The following PGBD2 variants were observed in gnomAD, a reference collection of about 807,000 sequenced individuals.
PGBD2 encodes the protein piggyBac transposable element-derived protein 2.
In PGBD2, 6 loss-of-function variants were observed where a neutral mutation model predicts 8.1. The observed-to-expected ratio is 0.74, with a 90% CI of 0.40 to 1.46. The LOEUF (loss-of-function observed/expected upper bound fraction) is 1.46, where lower values mean the gene tolerates loss of function less well. PGBD2 is among the 40% of genes most tolerant of loss of function. The pLI, the probability that PGBD2 is intolerant of heterozygous loss-of-function variation, is 0.02. For synonymous variants in PGBD2, 318 were observed against 272.2 expected (o/e 1.17, Z -1.66); for missense variants, 802 against 739.0 (o/e 1.09, Z -0.99).
At chr1:248,880,957 A>G in the PGBD2 span, among the ~76,000 whole-genome samples, 6 of 152,084 alleles carry the variant, frequency 3.9e-5, no homozygotes, top group African/African-American at 1.4e-4. Flanking sequence ...TTATCTCTGT[A>G]TAATATTATT....
At chr1:248,874,903 GAGATAGATAGATAGATAGATAGAT>G in the PGBD2 span, among the ~76,000 whole-genome samples, 27 of 145,422 alleles carry the variant, frequency 1.9e-4, no homozygotes, top group African/African-American at 2.9e-4. Flanking sequence ...TAGGTAGATA[GAGATAGATAGATAGATAGATAGAT>G]AGATAGATAG....
chr1:248,910,574 C>A (rs1038597671), intron 1 of PGBD2, among the ~76,000 whole-genome samples: 2 of 152,200 alleles, frequency 1.3e-5, no homozygotes, highest in African/African-American at 4.8e-5. Flanking sequence ...TTTTCCTGGG[C>A]TACAGACTTG....
chr1:248,924,626 T>A (rs1662348565), downstream of PGBD2, among the ~76,000 whole-genome samples: 1 of 152,264 alleles, frequency 6.6e-6, no homozygotes, highest in Non-Finnish European at 1.5e-5. Context: ...TGTGTCCAGA[T>A]GCATAGGGAG....
the PGBD2 span, among the ~76,000 whole-genome samples, chr1:248,880,184 A>G: frequency 1.3e-5 from 2 of 152,158 alleles, no homozygotes; most frequent in African/African-American, 2.4e-5. Context: ...TGTCTTGTGA[A>G]TCTGCTCCAT....
the PGBD2 span, among the ~76,000 whole-genome samples, chr1:248,873,472 G>A: frequency 6.6e-6 from 1 of 152,226 alleles, no homozygotes; most frequent in Non-Finnish European, 1.5e-5. Flanking sequence ...GCATCCATTC[G>A]TCACTTAGTG....
chr1:248,881,790 C>T, the PGBD2 span, among the ~76,000 whole-genome samples: 1 of 152,084 alleles, frequency 6.6e-6, no homozygotes, highest in South Asian at 2.1e-4. Flanking sequence ...TCTTTAAGTC[C>T]TTCCTTTAAT....
intron 1 of PGBD2, among the ~76,000 whole-genome samples, chr1:248,908,407 T>A (rs1450660711): frequency 6.6e-6 from 1 of 152,174 alleles, no homozygotes; most frequent in East Asian, 1.9e-4. Flanking sequence ...GAATGGCACC[T>A]CTGTGCACCA....
chr1:248,916,124 A>T (rs1222125801), intron 2 of PGBD2, among the ~76,000 whole-genome samples: 2 of 152,204 alleles, frequency 1.3e-5, no homozygotes, highest in Non-Finnish European at 2.9e-5. Context: ...TTAAAAGCAG[A>T]ATCTGTGGGC....
At position 248,914,697 on chromosome 1, in the gene PGBD2, A is replaced by G. The variant is rs934924178; in HGVS notation, c.17+818A>G. The G allele has an allele frequency of 4.2e-6, 4 of 943,290 alleles. No homozygotes were observed. The African/African-American group carries it at 5.2e-5, about 12-fold the overall frequency. 58.4% of individuals were successfully genotyped at this position (943,290 alleles called of 1,614,324 possible). A position where few individuals can be genotyped will look rare whatever the true frequency, so the allele number is the denominator to read the frequency against. On this transcript the variant is annotated intron_variant, in intron 2 of 2. Transcript: ENST00000329291. ...TGTGCCTACCCTCCATGCTGAGTCC[A>G]TTCTCATAGCCAGGGTGATGTGTTT...
At chr1:248,882,945 G>A in the PGBD2 span, among the ~76,000 whole-genome samples, 2 of 152,076 alleles carry the variant, frequency 1.3e-5, 1 homozygote, top group Non-Finnish European at 2.9e-5. Flanking sequence ...TCAGAATGTG[G>A]TGCATTATAT....
At chr1:248,915,893 T>C (rs961555358) in intron 2 of PGBD2, among the ~76,000 whole-genome samples, 3 of 152,154 alleles carry the variant, frequency 2.0e-5, no homozygotes, top group African/African-American at 7.2e-5. Flanking sequence ...ACAAATGTAA[T>C]TGCAGAGCTC....
upstream of PGBD2, among the ~76,000 whole-genome samples, chr1:248,905,747 A>G (rs1661611633): frequency 6.6e-6 from 1 of 152,202 alleles, no homozygotes; most frequent in Non-Finnish European, 1.5e-5. Flanking sequence ...TCCAGGCCCA[A>G]AATGTCAAGA....
chr1:248,917,786 A>C lies in PGBD2; in HGVS notation c.1202A>C (p.Lys401Thr). The part of the protein sequence containing the change: ...KKMKRGSFDY[K>T]VDESEEIIVC... Reference sequence around the variant, plus strand: ...ATGAAGAGGGGTTCATTTGATTACAAAGTCGATGAGAGTGAGGAGATCATC... The same window carrying C: ...ATGAAGAGGGGTTCATTTGATTACACAGTCGATGAGAGTGAGGAGATCATC... The change falls in exon 3 of 3, where the codon AAA becomes ACA. Residue 401 changes from lysine to threonine, a missense_variant. Coordinates refer to ENST00000329291, the MANE Select transcript of PGBD2 (RefSeq NM_170725.3). 1.2e-6 allele frequency: 2 copies of C among 1,614,216 alleles called. No individual in the cohort carries two copies. The highest frequency in any genetic ancestry group is 1.7e-6 in the Non-Finnish European group (2 of 1,180,048).
chr1:248,880,113 A>G, the PGBD2 span, among the ~76,000 whole-genome samples: 1 of 152,110 alleles, frequency 6.6e-6, no homozygotes, highest in East Asian at 1.9e-4. Flanking sequence ...ACCAGGACCC[A>G]TTTTCCTATA....
At chr1:248,884,048 T>C in the PGBD2 span, among the ~76,000 whole-genome samples, 1 of 152,188 alleles carries the variant, frequency 6.6e-6, no homozygotes, top group Non-Finnish European at 1.5e-5. Context: ...TCTTCTAGGA[T>C]TTTTATAGTT....
chr1:248,905,314 G>A (rs181902584), upstream of PGBD2, among the ~76,000 whole-genome samples: 9 of 152,120 alleles, frequency 5.9e-5, no homozygotes, highest in African/African-American at 2.2e-4. Context: ...ATGTTAACAC[G>A]GTTTGGTCCC....
chr1:248,909,671 G>A (rs563145663), intron 1 of PGBD2, among the ~76,000 whole-genome samples: 2 of 152,296 alleles, frequency 1.3e-5, no homozygotes, highest in African/African-American at 4.8e-5. Flanking sequence ...GGTGAAAGCT[G>A]TGGTAAGAGG....
At chr1:248,907,312 T>C (rs531793077) in intron 1 of PGBD2, among the ~76,000 whole-genome samples, 39 of 152,384 alleles carry the variant, frequency 2.6e-4, no homozygotes, top group African/African-American at 8.4e-4. Context: ...CAACATGTCT[T>C]GCCTCCTGCC....
At chr1:248,884,358 T>G in the PGBD2 span, among the ~76,000 whole-genome samples, 1 of 149,798 alleles carries the variant, frequency 6.7e-6, no homozygotes, top group African/African-American at 2.5e-5. Context: ...TTTTTTTTTT[T>G]GAGACAGAGT....
Sources: gnomAD v4.1 joint callset for allele counts (sites outside exome capture counted in the v4.1 genomes callset) on GRCh38, gnomAD v4.1.1 for gene constraint, MANE v1.5 for transcripts, NCBI Gene and HGNC (gene_info 2026-07-23, HGNC 2026-07-21) for gene names.